The following PLEKHA5 variants were observed in gnomAD, a reference collection of about 807,000 sequenced individuals.
PLEKHA5 encodes the protein pleckstrin homology domain-containing family A member 5.
Under a neutral mutation model 181.9 loss-of-function variants are expected in PLEKHA5, and 55 were observed. That is an observed-to-expected ratio of 0.30 (90% CI 0.24 to 0.38). PLEKHA5 has a LOEUF of 0.38. Among genes scored for constraint, PLEKHA5 ranks in the 10% least tolerant of loss-of-function variants. The pLI, the probability that PLEKHA5 is intolerant of heterozygous loss-of-function variation, is 1.00. For missense variants in PLEKHA5, 1,432 were observed against 1,549.5 expected (o/e 0.92, Z 1.27); for synonymous variants, 535 against 529.4 (o/e 1.01, Z -0.15).
At chr12:19,283,884 A>C (rs548973085) in intron 12 of PLEKHA5, 139 bp downstream of exon 12, 156 of 604,150 alleles carry the variant, frequency 2.6e-4, no homozygotes, top group South Asian at 4.4e-4. Context: ...TTAAAAAATA[A>C]ATAAAAATAT....
At chr12:19,279,140 A>G (rs1028518316) in intron 11 of PLEKHA5, among the ~76,000 whole-genome samples, 5 of 152,204 alleles carry the variant, frequency 3.3e-5, no homozygotes, top group Non-Finnish European at 7.3e-5. Flanking sequence ...ATAAGATTAT[A>G]TCCTTCCTAA....
intron 3 of PLEKHA5, among the ~76,000 whole-genome samples, chr12:19,136,037 G>C (rs77409981): frequency 0.071 from 10,703 of 151,774 alleles, 706 homozygotes; most frequent in East Asian, 0.2. Flanking sequence ...GTACCACCAT[G>C]CCTGGCTAAT....
chr12:19,214,472 G>C (rs910000201), intron 3 of PLEKHA5, among the ~76,000 whole-genome samples: 1 of 152,152 alleles, frequency 6.6e-6, no homozygotes, highest in African/African-American at 2.4e-5. Context: ...CAACATCAAA[G>C]AATGGGAGTG....
In PLEKHA5 at chr12:19,355,812, T is replaced by C. The variant is rs142640257; in HGVS notation, c.3138+1810T>C. Among the ~76,000 whole-genome samples, 181 of 152,036 alleles carry C rather than the reference T, an allele frequency of 1.2e-3. 1 individual carries two copies. Among genetic ancestry groups the C allele is most frequent in the African/African-American group, 4.1e-3 (172 of 41,488 alleles). On this transcript the variant is annotated intron_variant, in intron 26 of 31. Transcript: ENST00000429027. ...ACAGATTGGAAGATTTCATTGGAAA[T>C]GGTAAAGCTAAAATAACAAGTCTAC...
At chr12:19,132,333 A>G in intron 2 of PLEKHA5, 60 bp from the exon 3 acceptor site, 2 of 837,778 alleles carry the variant, frequency 2.4e-6, no homozygotes, top group African/African-American at 1.7e-5. Context: ...ATTAAAATGG[A>G]TTGAGACTTA....
intron 15 of PLEKHA5, chr12:19,307,271 G>A (rs547317500): frequency 1.4e-5 from 6 of 440,540 alleles, no homozygotes; most frequent in East Asian, 1.0e-4. Flanking sequence ...TCAGGAGTTC[G>A]AGACCAACCT....
intron 21 of PLEKHA5, among the ~76,000 whole-genome samples, chr12:19,338,452 T>C (rs2093625840): frequency 6.6e-6 from 1 of 151,860 alleles, no homozygotes; most frequent in African/African-American, 2.4e-5. Context: ...AAACCCCACC[T>C]CTACAAAAAT....
chr12:19,354,848 T>C (rs189645371), intron 26 of PLEKHA5, among the ~76,000 whole-genome samples: 14 of 152,334 alleles, frequency 9.2e-5, no homozygotes, highest in Admixed American at 4.6e-4. Flanking sequence ...TTTAAGTTTC[T>C]TTTGATCAGC....
intron 15 of PLEKHA5, among the ~76,000 whole-genome samples, chr12:19,304,319 C>T (rs764117820): frequency 2.6e-5 from 4 of 152,122 alleles, no homozygotes; most frequent in South Asian, 4.1e-4. Flanking sequence ...GCAAGAGAAT[C>T]GATTGAACCA....
intron 3 of PLEKHA5, among the ~76,000 whole-genome samples, chr12:19,251,256 A>T (rs1283069346): frequency 1.3e-5 from 2 of 152,012 alleles, no homozygotes; most frequent in Non-Finnish European, 2.9e-5. Context: ...AATGGAAAAA[A>T]TTAGCCAGGC....
chr12:19,186,964 G>C (rs552082872), intron 3 of PLEKHA5, among the ~76,000 whole-genome samples: 13 of 152,278 alleles, frequency 8.5e-5, no homozygotes, highest in South Asian at 2.1e-4. Context: ...ACAAAGATGT[G>C]TGTCCTATGA....
chr12:19,224,594 C>T (rs1318234711), intron 3 of PLEKHA5, among the ~76,000 whole-genome samples: 3 of 151,856 alleles, frequency 2.0e-5, no homozygotes, highest in African/African-American at 4.8e-5. Flanking sequence ...GTTTAAATGG[C>T]CTTCAGTTTT....
At position 19,274,867 on chromosome 12, in the gene PLEKHA5, T is replaced by C. The variant is rs781385076; in HGVS notation, c.1197T>C (p.Asn399=). The change falls in exon 11 of 32, where the codon AAT becomes AAC. Residue 399 remains asparagine (N), a synonymous_variant. Transcript: ENST00000429027. ...LADLRGGNRP[N]TGPLYTEADR... Reference sequence around the variant, plus strand: ...ATCTTAGAGGTGGAAATCGCCCCAATACAGGGCCCTTATACACAGAGGCCG... The same window carrying C: ...ATCTTAGAGGTGGAAATCGCCCCAACACAGGGCCCTTATACACAGAGGCCG... 1.2e-6 allele frequency: 2 copies of C among 1,613,924 alleles called. No individual in the cohort carries two copies. Among genetic ancestry groups the C allele is most frequent in the Admixed American group, 1.7e-5 (1 of 60,018 alleles).
At chr12:19,306,425 G>A (rs756680577) in intron 15 of PLEKHA5, 31 of 573,658 alleles carry the variant, frequency 5.4e-5, no homozygotes, top group Non-Finnish European at 8.3e-5. Context: ...TGGCGACGGC[G>A]ACTGGAGCAG....
chr12:19,142,244 C>G (rs2037578365), intron 3 of PLEKHA5, among the ~76,000 whole-genome samples: 2 of 152,028 alleles, frequency 1.3e-5, no homozygotes. Flanking sequence ...TGGTGTACCC[C>G]TATAGTCCTG....
rs535781670 is a variant in PLEKHA5 at position 19,335,908 on chromosome 12, A to G, written c.2449-607A>G. The stretch of plus-strand genomic sequence containing the variant: ...CAGCCTCCCAAAGTGCTGAGATTAC[A>G]GATGTGAGCCACTGCGTCTGGCAGA... On this transcript the variant is annotated intron_variant, in intron 20 of 31. Transcript: ENST00000429027. 2.6e-5 allele frequency among the ~76,000 whole-genome samples: 4 copies of G among 152,302 alleles called. No homozygotes were observed. The East Asian group carries it at 5.8e-4, about 22-fold the overall frequency.
chr12:19,154,742 CAT>C (rs1344765258), intron 3 of PLEKHA5: 2 of 152,160 alleles, frequency 1.3e-5, no homozygotes, highest in Non-Finnish European at 2.9e-5. Flanking sequence ...CTACTAGTAA[CAT>C]ATTTATATTG....
intron 3 of PLEKHA5, among the ~76,000 whole-genome samples, chr12:19,244,165 AT>A (rs2063197709): frequency 6.6e-6 from 1 of 152,160 alleles, no homozygotes; most frequent in Admixed American, 6.5e-5. Flanking sequence ...TTAAGATTTG[AT>A]TGTTTGAGTT....
At chr12:19,356,142 G>A (rs1359632549) in intron 26 of PLEKHA5, among the ~76,000 whole-genome samples, 1 of 151,334 alleles carries the variant, frequency 6.6e-6, no homozygotes, top group African/African-American at 2.4e-5. Flanking sequence ...TCCAGCCTGG[G>A]CAACAGAGTG....
Sources: gnomAD v4.1 joint callset for allele counts (sites outside exome capture counted in the v4.1 genomes callset) on GRCh38, gnomAD v4.1.1 for gene constraint, MANE v1.5 for transcripts, NCBI Gene and HGNC (gene_info 2026-07-23, HGNC 2026-07-21) for gene names.